The following PTPRD variants were observed in gnomAD, a reference collection of about 807,000 sequenced individuals.
The protein encoded by PTPRD is protein tyrosine phosphatase receptor type D, also known as receptor-type tyrosine-protein phosphatase delta.
A neutral mutation model predicts 214.5 loss-of-function variants in PTPRD; 34 were observed. The observed-to-expected ratio is 0.16, with a 90% CI of 0.12 to 0.21. The LOEUF (loss-of-function observed/expected upper bound fraction) is 0.21, where lower values mean the gene tolerates loss of function less well. PTPRD is among the 10% of genes least tolerant of loss of function. The pLI, the probability that PTPRD is intolerant of heterozygous loss-of-function variation, is 1.00. For missense variants in PTPRD, 2,545 were observed against 2,398.7 expected (o/e 1.06, Z -1.27); for synonymous variants, 1,128 against 845.7 (o/e 1.33, Z -5.79).
chr9:10,224,155 C>G (rs1006894331), intron 3 of PTPRD, among the ~76,000 whole-genome samples: 1 of 151,778 alleles, frequency 6.6e-6, no homozygotes, highest in South Asian at 2.1e-4. Context: ...ATCATAGAAT[C>G]CATTCTGTTT....
At chr9:10,460,334 C>G (rs1015779348) in intron 2 of PTPRD, among the ~76,000 whole-genome samples, 1 of 151,706 alleles carries the variant, frequency 6.6e-6, no homozygotes, top group African/African-American at 2.4e-5. Context: ...AATGCAGTCC[C>G]TATCAAAATC....
At chr9:8,332,862 AGAGCCTTCAACTT>A (rs766963114) in intron 43 of PTPRD, among the ~76,000 whole-genome samples, 28 of 152,236 alleles carry the variant, frequency 1.8e-4, no homozygotes, top group Non-Finnish European at 3.8e-4. Context: ...TTCTCATTAA[AGAGCCTTCAACTT>A]GTTCCTCCAT....
At chr9:8,344,279 T>A (rs1373976469) in intron 39 of PTPRD, among the ~76,000 whole-genome samples, 4 of 152,018 alleles carry the variant, frequency 2.6e-5, no homozygotes, top group Non-Finnish European at 5.9e-5. Context: ...GCCCTATACA[T>A]CAAGTCAATT....
Position 10,460,691 on chromosome 9 carries a change from G to A in PTPRD, c.-599-119674C>T, listed in dbSNP as rs114462274. ...TTTACAAACCTGGATTGACATATCC[G>A]AGACAATGAAATGGAATCCTTCTCT... On this transcript the variant is annotated intron_variant, in intron 2 of 45. Coordinates refer to ENST00000381196, the MANE Select transcript of PTPRD (RefSeq NM_002839.4). Among the ~76,000 whole-genome samples, 537 of 152,086 alleles carry A rather than the reference G, an allele frequency of 3.5e-3. 2 individuals carry two copies. Among genetic ancestry groups the A allele is most frequent in the African/African-American group, 0.012 (502 of 41,518 alleles).
intron 4 of PTPRD, among the ~76,000 whole-genome samples, chr9:10,006,645 T>C (rs2154099934): frequency 6.6e-6 from 1 of 152,100 alleles, no homozygotes; most frequent in East Asian, 1.9e-4. Context: ...CAGGTATTAT[T>C]TAGTTCCCTT....
intron 9 of PTPRD, among the ~76,000 whole-genome samples, chr9:9,232,553 C>G (rs1259204481): frequency 6.6e-6 from 1 of 151,960 alleles, no homozygotes; most frequent in Non-Finnish European, 1.5e-5. Context: ...GAAATTTATT[C>G]TGGAAGTAAT....
intron 5 of PTPRD, among the ~76,000 whole-genome samples, chr9:9,784,237 A>G (rs554176087): frequency 2.3e-3 from 345 of 152,244 alleles, no homozygotes; most frequent in African/African-American, 7.9e-3. Flanking sequence ...TAAAGCTAAC[A>G]TATCTAAAAG....
At chr9:10,196,271 C>T (rs982520723) in intron 3 of PTPRD, among the ~76,000 whole-genome samples, 5 of 152,106 alleles carry the variant, frequency 3.3e-5, no homozygotes, top group South Asian at 2.1e-4. Flanking sequence ...TAAAGATTGA[C>T]ATACAATCAG....
intron 8 of PTPRD, 86 bp downstream of exon 8, chr9:9,574,646 T>C (rs2087778082): frequency 6.6e-6 from 1 of 151,962 alleles, no homozygotes; most frequent in South Asian, 2.1e-4. Flanking sequence ...CTTATTTGAA[T>C]TTCCTTTACT....
intron 5 of PTPRD, among the ~76,000 whole-genome samples, chr9:9,885,514 G>C (rs2070515665): frequency 6.6e-6 from 1 of 152,014 alleles, no homozygotes; most frequent in South Asian, 2.1e-4. Flanking sequence ...TTACTTACAT[G>C]GCAAACGGAC....
At chr9:8,731,787 A>G (rs2098662091) in intron 12 of PTPRD, among the ~76,000 whole-genome samples, 1 of 152,232 alleles carries the variant, frequency 6.6e-6, no homozygotes, top group African/African-American at 2.4e-5. Context: ...CTTTCAGAAT[A>G]CACATGCTAT....
chr9:9,560,770 C>T lies in PTPRD; in HGVS notation c.-237+13962G>A, dbSNP rs146119810. Among the ~76,000 whole-genome samples, 397 of 151,962 alleles carry T rather than the reference C, an allele frequency of 2.6e-3. 2 individuals carry two copies. The highest frequency in any genetic ancestry group is 8.9e-3 in the African/African-American group (370 of 41,506). On this transcript the variant is annotated intron_variant, in intron 8 of 45. Coordinates refer to ENST00000381196, the MANE Select transcript of PTPRD (RefSeq NM_002839.4). ...GCTTTATTCAGCAGCAGCTCTCTTA[C>T]ACAGCTTAAAGTAGCTTTCTCATTA...
In PTPRD at chr9:10,514,327, T is replaced by C. The variant is rs183880284; in HGVS notation, c.-600+98071A>G. 7.7e-3 allele frequency among the ~76,000 whole-genome samples: 1,172 copies of C among 151,836 alleles called. 9 individuals are homozygous for C. Among genetic ancestry groups the C allele is most frequent in the Middle Eastern group, 0.011 (3 of 262 alleles). ...GGGAGCAAAATCAAAATTTTAAGAATTACAATTACATTTAGAACTTTGATT... is the reference window on the plus strand; with the variant it reads ...GGGAGCAAAATCAAAATTTTAAGAACTACAATTACATTTAGAACTTTGATT... On this transcript the variant is annotated intron_variant, in intron 2 of 45. Coordinates refer to ENST00000381196, the MANE Select transcript of PTPRD (RefSeq NM_002839.4).
intron 2 of PTPRD, among the ~76,000 whole-genome samples, chr9:10,600,976 A>G (rs1453087333): frequency 6.6e-6 from 1 of 151,830 alleles, no homozygotes; most frequent in Non-Finnish European, 1.5e-5. Context: ...AAATTATTCA[A>G]TTTAAACTTC....
chr9:10,442,349 G>A (rs2098765110), intron 2 of PTPRD, among the ~76,000 whole-genome samples: 1 of 151,696 alleles, frequency 6.6e-6, no homozygotes, highest in African/African-American at 2.4e-5. Flanking sequence ...AGTAGCACTT[G>A]CTAATTTACT....
chr9:10,427,439 T>C (rs1291739099), intron 2 of PTPRD, among the ~76,000 whole-genome samples: 1 of 152,110 alleles, frequency 6.6e-6, no homozygotes, highest in Admixed American at 6.6e-5. Context: ...CCTACTTCAA[T>C]AGCTGCTGGC....
intron 11 of PTPRD, among the ~76,000 whole-genome samples, chr9:8,967,017 C>A (rs1035066524): frequency 6.6e-6 from 1 of 151,654 alleles, no homozygotes; most frequent in Non-Finnish European, 1.5e-5. Flanking sequence ...AAAGAAGACA[C>A]ACAGGTGGCC....
chr9:9,907,933 T>C (rs1393230000), intron 5 of PTPRD, among the ~76,000 whole-genome samples: 1 of 152,020 alleles, frequency 6.6e-6, no homozygotes, highest in Non-Finnish European at 1.5e-5. Flanking sequence ...CAACTCACAA[T>C]TTTTGCAAAT....
At chr9:8,564,633 G>C (rs1039291924) in intron 14 of PTPRD, among the ~76,000 whole-genome samples, 1 of 152,162 alleles carries the variant, frequency 6.6e-6, no homozygotes, top group African/African-American at 2.4e-5. Flanking sequence ...TTAGGAGGCG[G>C]AAGTTGTAGT....
Sources: gnomAD v4.1 joint callset for allele counts (sites outside exome capture counted in the v4.1 genomes callset) on GRCh38, gnomAD v4.1.1 for gene constraint, MANE v1.5 for transcripts, NCBI Gene and HGNC (gene_info 2026-07-23, HGNC 2026-07-21) for gene names.